Variants in CLASP1 observed in about 807,000 individuals in gnomAD.
CLASP1 encodes the protein CLIP-associating protein 1.
A neutral mutation model predicts 192.3 loss-of-function variants in CLASP1; 38 were observed. The observed-to-expected ratio is 0.20, with a 90% CI of 0.15 to 0.26. The LOEUF is 0.26. Ranked by LOEUF, CLASP1 falls within the 10% of genes least tolerant of loss-of-function variation. The pLI is 1.00. For synonymous variants in CLASP1, 691 were observed against 712.8 expected (o/e 0.97, Z 0.49); for missense variants, 1,433 against 1,932.5 (o/e 0.74, Z 4.85).
At chr2:121,388,492 T>G (rs557895668) in intron 30 of CLASP1, among the ~76,000 whole-genome samples, 1 of 152,354 alleles carries the variant, frequency 6.6e-6, no homozygotes, top group East Asian at 1.9e-4. Flanking sequence ...CTCTTCTGCC[T>G]TTTGGAAAAT....
At chr2:121,612,077 A>C (rs1403665494) in intron 1 of CLASP1, among the ~76,000 whole-genome samples, 1 of 143,456 alleles carries the variant, frequency 7.0e-6, no homozygotes, top group Non-Finnish European at 1.5e-5. Flanking sequence ...GAGGAGGAGG[A>C]GTTGGAGGAG....
At chr2:121,462,754 T>G in intron 9 of CLASP1, 149 bp from the exon 10 acceptor site, 1 of 607,568 alleles carries the variant, frequency 1.6e-6, no homozygotes, top group East Asian at 2.8e-5. Context: ...TGAAGTGTCA[T>G]GAAATTGACA....
intron 19 of CLASP1, among the ~76,000 whole-genome samples, chr2:121,437,554 C>CAT (rs2082519164): frequency 6.6e-6 from 1 of 152,140 alleles, no homozygotes; most frequent in Admixed American, 6.6e-5. Flanking sequence ...TTGGGTTTTT[C>CAT]AGACTACAAA....
intron 33 of CLASP1, among the ~76,000 whole-genome samples, chr2:121,379,433 G>A (rs1375920175): frequency 6.6e-6 from 1 of 152,118 alleles, no homozygotes; most frequent in Non-Finnish European, 1.5e-5. Flanking sequence ...CATGACCAAG[G>A]GGCCAGAGGC....
intron 6 of CLASP1, among the ~76,000 whole-genome samples, chr2:121,518,566 T>C (rs34189919): frequency 0.25 from 37,955 of 152,138 alleles, 7,520 homozygotes; most frequent in African/African-American, 0.55. Context: ...TGTTAGGGAA[T>C]ATTTTTACAT....
intron 2 of CLASP1, among the ~76,000 whole-genome samples, chr2:121,584,590 TA>T (rs200831903): frequency 2.0e-5 from 3 of 150,704 alleles, no homozygotes; most frequent in Non-Finnish European, 3.0e-5. Context: ...AGAATAGATT[TA>T]AAAAAAAATA....
At chr2:121,395,421 T>C (rs1197638717) in intron 30 of CLASP1, among the ~76,000 whole-genome samples, 1 of 152,224 alleles carries the variant, frequency 6.6e-6, no homozygotes, top group Non-Finnish European at 1.5e-5. Context: ...CATTAATTCA[T>C]TCAAAACATA....
At chr2:121,555,388 C>T (rs954737978) in intron 2 of CLASP1, among the ~76,000 whole-genome samples, 1 of 152,170 alleles carries the variant, frequency 6.6e-6, no homozygotes, top group African/African-American at 2.4e-5. Flanking sequence ...TCATTTGTGA[C>T]CTCTGATTTT....
intron 14 of CLASP1, among the ~76,000 whole-genome samples, chr2:121,452,119 A>G (rs1053734141): frequency 5.9e-5 from 9 of 152,246 alleles, no homozygotes; most frequent in African/African-American, 2.2e-4. Flanking sequence ...TCATGGCAAC[A>G]TCACTGAAAG....
At chr2:121,405,921 G>A (rs1453513613) in intron 25 of CLASP1, among the ~76,000 whole-genome samples, 1 of 152,162 alleles carries the variant, frequency 6.6e-6, no homozygotes, top group Non-Finnish European at 1.5e-5. Flanking sequence ...TGAGAGCTGA[G>A]CAACTCATCA....
intron 39 of CLASP1, among the ~76,000 whole-genome samples, chr2:121,341,749 T>C (rs1038185640): frequency 8.5e-5 from 13 of 152,136 alleles, no homozygotes; most frequent in African/African-American, 2.2e-4. Flanking sequence ...AGCAAGCAAA[T>C]AGAGGACTTA....
At position 121,462,607 on chromosome 2, in the gene CLASP1, T is replaced by A. The variant is rs751775201; in HGVS notation, c.866-2A>T. The stretch of plus-strand genomic sequence containing the variant: ...CAGCACCAGCTCCTTCTTTTGCAGC[T>A]GTAAAAAAGAATTTTAAAAATGTAA... On this transcript the variant is annotated splice_acceptor_variant, in intron 9 of 39. Transcript: ENST00000263710. LOFTEE classifies it high-confidence loss of function. The A allele has an allele frequency of 6.3e-7, 1 of 1,589,716 alleles. No homozygotes were observed. The highest frequency in any genetic ancestry group is 2.2e-5 in the East Asian group (1 of 44,608).
rs115997662 is a variant in CLASP1, at chr2:121,642,908, C to T, written c.-286+6464G>A. ...TGGACAGTCTCAAAGAGTGATATATCGGGAAGTAATAGCTCATGTTGAAAT... is the reference window on the plus strand; with the variant it reads ...TGGACAGTCTCAAAGAGTGATATATTGGGAAGTAATAGCTCATGTTGAAAT... On this transcript the variant is annotated intron_variant, in intron 1 of 39. Transcript: ENST00000263710. Among the ~76,000 whole-genome samples, 327 of 152,300 alleles carry T rather than the reference C, an allele frequency of 2.1e-3. 1 individual carries two copies. Among genetic ancestry groups the T allele is most frequent in the African/African-American group, 7.5e-3 (311 of 41,564 alleles).
chr2:121,642,479 T>A (rs2106343587), intron 1 of CLASP1, among the ~76,000 whole-genome samples: 1 of 150,418 alleles, frequency 6.6e-6, no homozygotes, highest in East Asian at 2.0e-4. Context: ...ACACCTGTAA[T>A]CCCAGCATTT....
chr2:121,545,539 G>A (rs1457946841), intron 2 of CLASP1, among the ~76,000 whole-genome samples: 3 of 152,032 alleles, frequency 2.0e-5, no homozygotes, highest in African/African-American at 7.2e-5. Context: ...TTTTCGTGCT[G>A]TAGAAATCTG....
chr2:121,570,161 T>C (rs1028822852), intron 2 of CLASP1, among the ~76,000 whole-genome samples: 1 of 152,196 alleles, frequency 6.6e-6, no homozygotes, highest in South Asian at 2.1e-4. Flanking sequence ...TATCAGTCTG[T>C]TCTCTCCTCT....
At chr2:121,519,628 G>C (rs1260514021) in intron 6 of CLASP1, among the ~76,000 whole-genome samples, 1 of 152,196 alleles carries the variant, frequency 6.6e-6, no homozygotes, top group Non-Finnish European at 1.5e-5. Context: ...AGCAGTTTGT[G>C]ACCTATAGTT....
exon 36 of CLASP1, chr2:121,365,182 T>C: frequency 1.2e-6 from 2 of 1,613,894 alleles, no homozygotes; most frequent in Non-Finnish European, 1.7e-6. Flanking sequence ...CCGCGTGATC[T>C]TGAGCAGCTC....
intron 8 of CLASP1, among the ~76,000 whole-genome samples, chr2:121,470,823 T>C (rs1246284458): frequency 6.6e-6 from 1 of 152,176 alleles, no homozygotes; most frequent in African/African-American, 2.4e-5. Flanking sequence ...TTCCACACCA[T>C]TGCCAACATT....
Sources: allele counts gnomAD v4.1 joint callset (sites outside exome capture counted in the v4.1 genomes callset), GRCh38; gene constraint gnomAD v4.1.1; transcripts MANE v1.5; gene names NCBI Gene and HGNC (gene_info 2026-07-23, HGNC 2026-07-21).